The following FNIP1 variants were observed in gnomAD, a reference collection of about 807,000 sequenced individuals.
FNIP1 encodes folliculin-interacting protein 1.
In FNIP1, 40 loss-of-function variants were observed where a neutral mutation model predicts 124.5. That is an observed-to-expected ratio of 0.32 (90% CI 0.25 to 0.42). The LOEUF is 0.42. FNIP1 is among the 10% of genes least tolerant of loss of function. The probability of loss-of-function intolerance (pLI) is 1.00; values close to 1 mark genes in which losing one functional copy is unlikely to be tolerated. For missense variants in FNIP1, 1,176 were observed against 1,403.7 expected (o/e 0.84, Z 2.59); for synonymous variants, 472 against 470.6 (o/e 1.00, Z -0.04).
At chr5:131,651,710 A>G (rs1767044858) in intron 16 of FNIP1, 92 bp downstream of exon 16, 1 of 1,205,670 alleles carries the variant, frequency 8.3e-7, no homozygotes, top group Admixed American at 2.3e-5. Flanking sequence ...TGACACAAAC[A>G]TTCAGTCCCT....
At chr5:131,668,177 A>G (rs1767655550) in intron 15 of FNIP1, among the ~76,000 whole-genome samples, 1 of 152,238 alleles carries the variant, frequency 6.6e-6, no homozygotes, top group Non-Finnish European at 1.5e-5. Flanking sequence ...AGTGCCATAA[A>G]ACAGTCTCAA....
At chr5:131,774,314 C>T (rs1771733518) in intron 1 of FNIP1, among the ~76,000 whole-genome samples, 5 of 152,204 alleles carry the variant, frequency 3.3e-5, no homozygotes, top group African/African-American at 1.2e-4. Context: ...ATGCATGAGC[C>T]ACTGCGTCTG....
intron 8 of FNIP1, among the ~76,000 whole-genome samples, chr5:131,707,217 G>A (rs915665707): frequency 2.0e-5 from 3 of 152,192 alleles, no homozygotes; most frequent in African/African-American, 7.2e-5. Context: ...ATTGCTTGAG[G>A]TGTTAAGAGC....
chr5:131,716,770 A>G (rs1580780448), intron 5 of FNIP1, 114 bp from the exon 6 acceptor site: 2 of 601,794 alleles, frequency 3.3e-6, no homozygotes, highest in East Asian at 5.8e-5. Flanking sequence ...TATTAGCATT[A>G]CAAATTAACT....
intron 2 of FNIP1, among the ~76,000 whole-genome samples, chr5:131,733,504 T>C (rs1770174884): frequency 6.6e-6 from 1 of 152,206 alleles, no homozygotes; most frequent in South Asian, 2.1e-4. Flanking sequence ...ATATGTCCCA[T>C]CGATACCTAA....
intron 1 of FNIP1, among the ~76,000 whole-genome samples, chr5:131,789,560 A>G (rs1772329697): frequency 6.6e-6 from 1 of 152,110 alleles, no homozygotes; most frequent in African/African-American, 2.4e-5. Context: ...CTCCACATCT[A>G]TCTCACTTTT....
chr5:131,717,683 T>C (rs1211307602), intron 5 of FNIP1, among the ~76,000 whole-genome samples: 2 of 152,198 alleles, frequency 1.3e-5, no homozygotes, highest in African/African-American at 4.8e-5. Flanking sequence ...AAGTACTTTA[T>C]GCTTTTAGTG....
At chr5:131,760,472 T>A (rs1771190449) in intron 1 of FNIP1, among the ~76,000 whole-genome samples, 1 of 152,168 alleles carries the variant, frequency 6.6e-6, no homozygotes. Context: ...TGTAAATAAA[T>A]ACCAGTTAAT....
At chr5:131,734,786 G>C (rs182571226) in intron 2 of FNIP1, among the ~76,000 whole-genome samples, 1 of 152,126 alleles carries the variant, frequency 6.6e-6, no homozygotes, top group African/African-American at 2.4e-5. Flanking sequence ...TTAGAATGGC[G>C]ATCATTAAAA....
intron 1 of FNIP1, among the ~76,000 whole-genome samples, chr5:131,764,330 C>G (rs1335425368): frequency 7.6e-6 from 1 of 132,358 alleles, no homozygotes; most frequent in Non-Finnish European, 1.6e-5. Flanking sequence ...TTTTTTGAGA[C>G]AGGGTCCCAC....
intron 8 of FNIP1, among the ~76,000 whole-genome samples, chr5:131,707,732 C>A (rs1014041827): frequency 2.0e-5 from 3 of 152,028 alleles, no homozygotes; most frequent in African/African-American, 7.2e-5. Context: ...AAATACATTT[C>A]ACTGCATTCT....
chr5:131,744,480 C>T (rs969626871), intron 2 of FNIP1, 84 bp downstream of exon 2: 2 of 1,343,416 alleles, frequency 1.5e-6, no homozygotes, highest in African/African-American at 2.9e-5. Flanking sequence ...CCTTCTCCCT[C>T]AGCCCCAATT....
intron 13 of FNIP1, among the ~76,000 whole-genome samples, chr5:131,674,305 A>G (rs570918694): frequency 5.3e-5 from 8 of 152,350 alleles, no homozygotes; most frequent in South Asian, 2.1e-4. Flanking sequence ...AATCCATTCT[A>G]AACATGACTA....
chr5:131,688,521 A>T (rs899987856), intron 11 of FNIP1, among the ~76,000 whole-genome samples: 1 of 151,752 alleles, frequency 6.6e-6, no homozygotes, highest in Non-Finnish European at 1.5e-5. Flanking sequence ...ATCAAACTCA[A>T]ATTTGGCAAA....
At chr5:131,707,553 T>C (rs1769155557) in intron 8 of FNIP1, among the ~76,000 whole-genome samples, 1 of 152,298 alleles carries the variant, frequency 6.6e-6, no homozygotes, top group South Asian at 2.1e-4. Context: ...CATGCAAACA[T>C]GTAGACCATC....
intron 1 of FNIP1, among the ~76,000 whole-genome samples, chr5:131,754,770 A>G (rs1423884757): frequency 6.6e-6 from 1 of 152,250 alleles, no homozygotes; most frequent in African/African-American, 2.4e-5. Flanking sequence ...GTTTTAAACA[A>G]TAGCTGACAA....
chr5:131,697,869 T>C (rs1031538784), intron 11 of FNIP1, among the ~76,000 whole-genome samples: 5 of 147,544 alleles, frequency 3.4e-5, no homozygotes, highest in Admixed American at 2.8e-4. Context: ...CTGAGGAGGC[T>C]GAGGCAGGAG....
At chr5:131,716,717 T>A (rs1769478045) in intron 5 of FNIP1, 61 bp from the exon 6 acceptor site, 1 of 1,004,914 alleles carries the variant, frequency 1.0e-6, no homozygotes, top group East Asian at 2.7e-5. Flanking sequence ...GACAATTCTT[T>A]GTACATCCTG....
Position 131,685,736 on chromosome 5 carries a change from G to T in FNIP1, c.1203-6561C>A, listed in dbSNP as rs1768254073. On this transcript the variant is annotated intron_variant, in intron 11 of 17. Coordinates refer to ENST00000510461, the MANE Select transcript of FNIP1 (RefSeq NM_133372.3). ...ATCAAAGTGCTGGGATTACAGGCGT[G>T]AGCCACTGCACCTCGCTCCTTAAGA... Among the ~76,000 whole-genome samples, 3 of 151,876 alleles carry T rather than the reference G, an allele frequency of 2.0e-5. No individual in the cohort carries two copies. In the Middle Eastern group the frequency reaches 0.01, roughly 517 times the overall value.
Sources: allele counts gnomAD v4.1 joint callset (sites outside exome capture counted in the v4.1 genomes callset), GRCh38; gene constraint gnomAD v4.1.1; transcripts MANE v1.5; gene names NCBI Gene and HGNC (gene_info 2026-07-23, HGNC 2026-07-21).